DNM3: variants seen among roughly 807,000 people sequenced by gnomAD.
DNM3 encodes dynamin-3.
Under a neutral mutation model 101.6 loss-of-function variants are expected in DNM3, and 47 were observed. The ratio of observed to expected loss-of-function variants is 0.46; its 90% confidence interval spans 0.37 to 0.59. The LOEUF is 0.59. Among genes scored for constraint, DNM3 ranks in the 20% least tolerant of loss-of-function variants. The probability of loss-of-function intolerance (pLI) is 0.00; values close to 1 mark genes in which losing one functional copy is unlikely to be tolerated. For missense variants in DNM3, 849 were observed against 1,085.7 expected (o/e 0.78, Z 3.06); for synonymous variants, 385 against 387.9 (o/e 0.99, Z 0.09).
chr1:171,852,775 C>G (rs2125003726), intron 1 of DNM3, among the ~76,000 whole-genome samples: 1 of 152,316 alleles, frequency 6.6e-6, no homozygotes, highest in South Asian at 2.1e-4. Context: ...GCCTGTGAAA[C>G]AGTAAGTATT....
chr1:172,102,434 A>G (rs1365256817), intron 13 of DNM3, among the ~76,000 whole-genome samples: 1 of 152,158 alleles, frequency 6.6e-6, no homozygotes, highest in East Asian at 1.9e-4. Context: ...TTTGAGATCT[A>G]GAGTTTTATT....
At chr1:172,025,698 C>T (rs1044493228) in intron 4 of DNM3, among the ~76,000 whole-genome samples, 3 of 152,176 alleles carry the variant, frequency 2.0e-5, no homozygotes, top group Admixed American at 2.0e-4. Flanking sequence ...TCCAGCAGAC[C>T]TGCAGCAGAG....
At chr1:171,887,712 T>C (rs1214913555) in intron 1 of DNM3, among the ~76,000 whole-genome samples, 1 of 152,202 alleles carries the variant, frequency 6.6e-6, no homozygotes, top group Admixed American at 6.5e-5. Context: ...TCTTTGATAA[T>C]CTCTAAACAC....
chr1:171,915,597 G>C (rs889040838), intron 1 of DNM3, among the ~76,000 whole-genome samples: 1 of 152,168 alleles, frequency 6.6e-6, no homozygotes. Flanking sequence ...TGGGAATGAA[G>C]GAGGAGAAAC....
chr1:171,993,959 C>T (rs1445557029), intron 4 of DNM3, among the ~76,000 whole-genome samples: 1 of 151,944 alleles, frequency 6.6e-6, no homozygotes, highest in Non-Finnish European at 1.5e-5. Context: ...ATTTCTGTCT[C>T]CTTACTGATA....
intron 15 of DNM3, among the ~76,000 whole-genome samples, chr1:172,292,871 G>GA (rs896462453): frequency 2.3e-4 from 35 of 151,968 alleles, no homozygotes; most frequent in Non-Finnish European, 4.9e-4. Flanking sequence ...ATTAACATAT[G>GA]AAAAAAAGTT....
chr1:172,348,921 G>T (rs2067070077), intron 17 of DNM3, among the ~76,000 whole-genome samples: 1 of 152,096 alleles, frequency 6.6e-6, no homozygotes, highest in East Asian at 1.9e-4. Flanking sequence ...ATTCTGAAAA[G>T]GTGCAGCCAG....
intron 14 of DNM3, among the ~76,000 whole-genome samples, chr1:172,199,646 C>T (rs550089959): frequency 6.6e-6 from 1 of 152,176 alleles, no homozygotes; most frequent in East Asian, 1.9e-4. Flanking sequence ...GAATCCTTCA[C>T]CATTATGTAA....
chr1:172,323,173 T>C (rs2065796735), intron 16 of DNM3, among the ~76,000 whole-genome samples, 156 bp from the exon 17 acceptor site: 1 of 152,178 alleles, frequency 6.6e-6, no homozygotes, highest in East Asian at 1.9e-4. Context: ...TGTCAGTGAA[T>C]AGTTAAATCA....
chr1:172,068,050 G>A lies in DNM3; in HGVS notation c.1336-769G>A, dbSNP rs531274447. On this transcript the variant is annotated intron_variant, in intron 10 of 20. Transcript: ENST00000627582. The stretch of plus-strand genomic sequence containing the variant: ...TCTCCTCTATTAAATGGGGTTGGCC[G>A]GGCGTGGTGGCTCACGCCTGTAATC... Among the ~76,000 whole-genome samples the A allele has an allele frequency of 1.2e-4, 19 of 152,302 alleles. No homozygotes were observed. In the East Asian group the frequency reaches 3.3e-3, roughly 26 times the overall value.
Position 171,953,502 on chromosome 1 carries a change from A to G in DNM3, c.235+31681A>G, listed in dbSNP as rs192606235. On this transcript the variant is annotated intron_variant, in intron 2 of 20. Transcript: ENST00000627582. ...GAGTGCAGTGGCGTGATCTCAGCCC[A>G]GTGCAACTTCTGCCTCCCGGGTTCA... 2.5e-4 allele frequency among the ~76,000 whole-genome samples: 37 copies of G among 148,214 alleles called. 1 individual carries two copies. Among genetic ancestry groups the G allele is most frequent in the Middle Eastern group, 3.5e-3 (1 of 288 alleles).
At chr1:171,877,672 G>A (rs1184575967) in intron 1 of DNM3, among the ~76,000 whole-genome samples, 1 of 152,138 alleles carries the variant, frequency 6.6e-6, no homozygotes, top group African/African-American at 2.4e-5. Context: ...TTGCCTGAAG[G>A]CATTATTGCC....
In DNM3 at chr1:172,388,694, C is replaced by T. The variant is rs1310428141; in HGVS notation, c.2407C>T (p.Pro803Ser). The change falls in exon 20 of 21, where the codon CCT becomes TCT. Residue 803 changes from proline (P) to serine (S), a missense_variant. Pro to Ser is a moderately conservative substitution (Grantham distance 74, BLOSUM62 -1). Around this residue, in one of 5 missense-constraint regions of DNM3, gnomAD observed 256 missense variants for 311.7 expected, o/e 0.82. Coordinates refer to ENST00000627582, the MANE Select transcript of DNM3 (RefSeq NM_015569.5). ...CTCTCCTGGCCCCCACTCTGGGGCT[C>T]CTCCAGTCCCATTCCGTCCAGGCCC... Reference protein sequence around the residue: ...IPSPGPHSGAPPVPFRPGPLP... With the variant: ...IPSPGPHSGASPVPFRPGPLP... 14 of 1,613,952 alleles carry T rather than the reference C, an allele frequency of 8.7e-6. No individual in the cohort carries two copies. The highest frequency in any genetic ancestry group is 1.1e-5 in the Non-Finnish European group (13 of 1,179,872).
intron 9 of DNM3, among the ~76,000 whole-genome samples, chr1:172,047,224 A>C (rs1269305295): frequency 2.6e-5 from 4 of 152,128 alleles, no homozygotes; most frequent in Non-Finnish European, 5.9e-5. Context: ...TTTTGTTAAC[A>C]CTGAATGCTG....
chr1:171,973,255 G>T (rs1056715419), intron 2 of DNM3, among the ~76,000 whole-genome samples: 10 of 152,162 alleles, frequency 6.6e-5, no homozygotes, highest in Non-Finnish European at 1.0e-4. Context: ...ATGTGGGGTG[G>T]CTAACAGATT....
At chr1:172,333,846 A>G (rs965935294) in intron 17 of DNM3, among the ~76,000 whole-genome samples, 7 of 152,200 alleles carry the variant, frequency 4.6e-5, no homozygotes, top group Admixed American at 2.6e-4. Flanking sequence ...CATAATGACA[A>G]CACACATTCT....
intron 15 of DNM3, among the ~76,000 whole-genome samples, chr1:172,258,024 G>A (rs1642776955): frequency 6.6e-6 from 1 of 152,004 alleles, no homozygotes; most frequent in Non-Finnish European, 1.5e-5. Context: ...TTATGAGCAA[G>A]TACATGCAAT....
At chr1:171,966,693 G>A (rs1036398735) in intron 2 of DNM3, among the ~76,000 whole-genome samples, 1 of 152,294 alleles carries the variant, frequency 6.6e-6, no homozygotes, top group Admixed American at 6.5e-5. Context: ...TACAAGAGGA[G>A]CCAAGTGCAT....
chr1:171,949,936 C>A lies in DNM3; in HGVS notation c.235+28115C>A, dbSNP rs116652992. Among the ~76,000 whole-genome samples, 276 of 152,164 alleles carry A rather than the reference C, an allele frequency of 1.8e-3. 2 individuals are homozygous for A. The highest frequency in any genetic ancestry group is 2.7e-3 in the Non-Finnish European group (181 of 68,006). On this transcript the variant is annotated intron_variant, in intron 2 of 20. Coordinates refer to ENST00000627582, the MANE Select transcript of DNM3 (RefSeq NM_015569.5). The stretch of plus-strand genomic sequence containing the variant: ...ATCCACTCCAAGGTACAGTATTTAC[C>A]CAAGAGAAATGGATGCATTTGTCCT...
Sources: allele counts gnomAD v4.1 joint callset (sites outside exome capture counted in the v4.1 genomes callset), GRCh38; gene constraint gnomAD v4.1.1; regional missense constraint gnomAD v4.1.1; transcripts MANE v1.5; gene names NCBI Gene and HGNC (gene_info 2026-07-23, HGNC 2026-07-21).